MUC3A: variants seen among roughly 807,000 people sequenced by gnomAD.
MUC3A encodes the protein mucin-3A.
In MUC3A, 109 loss-of-function variants were observed where a neutral mutation model predicts 109.0. The observed-to-expected ratio is 1.00, with a 90% CI of 0.86 to 1.17. The LOEUF is 1.17. MUC3A is among the 50% of genes most tolerant of loss of function. The pLI is 0.00. For missense variants in MUC3A, 3,537 were observed against 2,469.4 expected, an observed-to-expected ratio of 1.43 and a Z score of -9.16; for synonymous variants, 1,398 against 981.4, an observed-to-expected ratio of 1.42 and a Z score of -7.93.
Position 100,952,719 on chromosome 7 carries a change from CT to C in MUC3A, c.941del (p.Leu314HisfsTer5), listed in dbSNP as rs765992100. On this transcript the variant is annotated frameshift_variant, in exon 2 of 12. Transcript: ENST00000379458. LOFTEE classifies it high-confidence loss of function. Reference sequence around the variant, plus strand: ...CAGTGGTATCACAAACACCACCCCCCTATCCACCTTGGTGACCACACTCCCC... The same window carrying C: ...CAGTGGTATCACAAACACCACCCCCCATCCACCTTGGTGACCACACTCCCC... The part of the protein sequence containing the change: ...ITSGITNTTP[L>X]STLVTTLPTT... The C allele has an allele frequency of 7.2e-6, 11 of 1,531,616 alleles. No individual in the cohort carries two copies. Among genetic ancestry groups the C allele is most frequent in the African/African-American group, 3.4e-5 (2 of 59,634 alleles). The allele number at this position is 1,531,616 out of a possible 1,614,324, so 94.9% of individuals were successfully genotyped here.
chr7:100,966,756 T>G lies in MUC3A; in HGVS notation c.9877+13T>G, dbSNP rs1194427830. On this transcript the variant is annotated intron_variant, in intron 10 of 11. Coordinates refer to ENST00000379458, the MANE Select transcript of MUC3A (RefSeq NM_005960.2). Reference sequence around the variant, plus strand: ...GACGACGGAACAGGTGAGTCCTGCCTCCTGGGGAAGCAGGCAGAGGCTTTC... The same window carrying G: ...GACGACGGAACAGGTGAGTCCTGCCGCCTGGGGAAGCAGGCAGAGGCTTTC... 1.3e-6 allele frequency: 2 copies of G among 1,598,548 alleles called. No individual in the cohort carries two copies. Among genetic ancestry groups the G allele is most frequent in the Admixed American group, 3.3e-5 (2 of 60,032 alleles).
At chr7:100,962,923 T>C (rs1245783240) in intron 3 of MUC3A, among the ~76,000 whole-genome samples, 2 of 152,308 alleles carry the variant, frequency 1.3e-5, no homozygotes, top group African/African-American at 4.8e-5. Flanking sequence ...TGATGCAATC[T>C]CGGCTCACTA....
At chr7:100,950,290 G>A (rs1035393896) in intron 1 of MUC3A, among the ~76,000 whole-genome samples, 4 of 152,302 alleles carry the variant, frequency 2.6e-5, no homozygotes, top group Non-Finnish European at 4.4e-5. Flanking sequence ...TGTCCACTTC[G>A]CTTCCAAGGG....
At chr7:100,950,349 C>A (rs1240154089) in intron 1 of MUC3A, among the ~76,000 whole-genome samples, 1 of 152,278 alleles carries the variant, frequency 6.6e-6, no homozygotes, top group Non-Finnish European at 1.5e-5. Flanking sequence ...CTCTTCTGCC[C>A]TGCAGGAACA....
Position 100,957,201 on chromosome 7 carries a change from G to A in MUC3A, c.5422G>A (p.Ala1808Thr), listed in dbSNP as rs1236621081. The stretch of plus-strand genomic sequence containing the variant: ...TTCTACGCCTGTCCCAAGTACAGAA[G>A]CGATCACCAGTGGTACCACAAACAC... Reference protein sequence around the residue: ...SSSTPVPSTEAITSGTTNTTP... With the variant: ...SSSTPVPSTETITSGTTNTTP... Residue 1808 changes from alanine to threonine, a missense_variant, in exon 2 of 12, where the codon GCG becomes ACG. Coordinates refer to ENST00000379458, the MANE Select transcript of MUC3A (RefSeq NM_005960.2). 8.5e-6 allele frequency: 4 copies of A among 470,008 alleles called. No homozygotes were observed. The highest frequency in any genetic ancestry group is 1.1e-5 in the Non-Finnish European group (3 of 270,098). 29.1% of individuals were successfully genotyped at this position (470,008 alleles called of 1,614,324 possible).
At chr7:100,964,582 T>A in intron 5 of MUC3A, 113 bp from the exon 6 acceptor site, 1 of 1,451,890 alleles carries the variant, frequency 6.9e-7, no homozygotes, top group Non-Finnish European at 9.1e-7. Context: ...TCCCAACTCA[T>A]GACCTCTGCT....
Position 100,960,820 on chromosome 7 carries a change from C to T in MUC3A, c.8935C>T (p.Arg2979Cys), listed in dbSNP as rs756946295. Reference protein sequence around the residue: ...CACLPGFSGDRCQLQTRCQNG... With the variant: ...CACLPGFSGDCCQLQTRCQNG... ...TTGCCTTCCGGGGTTTTCTGGGGAC[C>T]GCTGTCAGCTCCAGACCAGATGCCA... The change falls in exon 3 of 12, where the codon CGC becomes TGC. Residue 2979 changes from arginine (R) to cysteine (C), a missense_variant. Coordinates refer to ENST00000379458, the MANE Select transcript of MUC3A (RefSeq NM_005960.2). 29 of 1,598,396 alleles carry T rather than the reference C, an allele frequency of 1.8e-5. No homozygotes were observed. The highest frequency in any genetic ancestry group is 4.0e-5 in the African/African-American group (3 of 74,962).
In MUC3A at chr7:100,959,479, G is replaced by C; in HGVS notation, c.7700G>C (p.Ser2567Thr). 1.9e-6 allele frequency: 3 copies of C among 1,580,208 alleles called. No homozygotes were observed. The highest frequency in any genetic ancestry group is 1.2e-5 in the South Asian group (1 of 86,472). The change falls in exon 2 of 12, where the codon AGC becomes ACC. Residue 2567 changes from serine to threonine, a missense_variant. Ser to Thr is a moderately conservative substitution (Grantham distance 58). Coordinates refer to ENST00000379458, the MANE Select transcript of MUC3A (RefSeq NM_005960.2). Reference sequence around the variant, plus strand: ...GAGAACACCCCAATCAGTTCCTTTAGCACAAGTATTGTTGTTATACCTGAA... The same window carrying C: ...GAGAACACCCCAATCAGTTCCTTTACCACAAGTATTGTTGTTATACCTGAA... ...ITENTPISSF[S>T]TSIVVIPETP...
intron 3 of MUC3A, 76 bp from the exon 4 acceptor site, chr7:100,963,075 G>C: frequency 6.7e-7 from 1 of 1,503,202 alleles, no homozygotes; most frequent in East Asian, 2.4e-5. Context: ...GGAGCCTGTG[G>C]GTTGGGGTGG....
rs1294188955 is a variant in MUC3A, at chr7:100,952,221, A to C, written c.442A>C (p.Thr148Pro). The C allele has an allele frequency of 6.3e-7, 1 of 1,598,432 alleles. No individual in the cohort carries two copies. The highest frequency in any genetic ancestry group is 8.5e-7 in the Non-Finnish European group (1 of 1,179,804). ...ISHPTSICVT[T>P]TQVAFTSSYT... Reference sequence around the variant, plus strand: ...CCACCCCACCTCCATCTGTGTGACCACGACGCAGGTGGCCTTCACCAGCTC... The same window carrying C: ...CCACCCCACCTCCATCTGTGTGACCCCGACGCAGGTGGCCTTCACCAGCTC... The change falls in exon 2 of 12, where the codon ACG (threonine) becomes CCG (proline). Residue 148 changes from threonine to proline, a missense_variant. Thr to Pro is a conservative substitution (Grantham distance 38). Coordinates refer to ENST00000379458, the MANE Select transcript of MUC3A (RefSeq NM_005960.2).
Position 100,966,360 on chromosome 7 carries a change from G to A in MUC3A, c.9612-26G>A, listed in dbSNP as rs778692242. On this transcript the variant is annotated intron_variant, in intron 8 of 11. Coordinates refer to ENST00000379458, the MANE Select transcript of MUC3A (RefSeq NM_005960.2). ...TGGACCCCGAGCCCGGAGGTGAAGAGGGTCTGACCCTGCGATCTCCCGCAG... is the reference window on the plus strand; with the variant it reads ...TGGACCCCGAGCCCGGAGGTGAAGAAGGTCTGACCCTGCGATCTCCCGCAG... 4 of 1,315,258 alleles carry A rather than the reference G, an allele frequency of 3.0e-6. No homozygotes were observed. In the Admixed American group the frequency reaches 9.4e-5, roughly 31 times the overall value. The allele number at this position is 1,315,258 out of a possible 1,614,324, so 81.5% of individuals were successfully genotyped here.
At chr7:100,966,165 G>GATCCCCGCCCCCGCCATTTAGGGTGA in intron 8 of MUC3A, 1 of 341,290 alleles carries the variant, frequency 2.9e-6, no homozygotes, top group Non-Finnish European at 4.9e-6. Context: ...TTCTAGGGTG[G>GATCCCCGCCCCCGCCATTTAGGGTGA]AGCCCTGCCC....
At position 100,959,885 on chromosome 7, in the gene MUC3A, G is replaced by A; in HGVS notation, c.8106G>A (p.Val2702=). Residue 2702 remains valine, a synonymous_variant, in exon 2 of 12, where the codon GTG becomes GTA. Transcript: ENST00000379458. ...SSPSSASITP[V]FSTTIHSVPS... ...CATCTTCTGCCAGCATAACTCCAGT[G>A]TTTTCCACTACCATTCATTCTGTTC... 1 of 1,550,632 alleles carries A rather than the reference G, an allele frequency of 6.4e-7. No individual in the cohort carries two copies. Among genetic ancestry groups the A allele is most frequent in the Non-Finnish European group, 8.6e-7 (1 of 1,157,112 alleles).
chr7:100,956,221 A>G lies in MUC3A; in HGVS notation c.4442A>G (p.Tyr1481Cys). 2 of 469,528 alleles carry G rather than the reference A, an allele frequency of 4.3e-6. No individual in the cohort carries two copies. Among genetic ancestry groups the G allele is most frequent in the East Asian group, 3.4e-5 (1 of 29,480 alleles). 29.1% of individuals were successfully genotyped at this position (469,528 alleles called of 1,614,324 possible). Residue 1481 changes from tyrosine to cysteine, a missense_variant, in exon 2 of 12, where the codon TAT becomes TGT. Physicochemically the swap from Tyr to Cys is radical, Grantham distance 194. Transcript: ENST00000379458. ...ACAGAGTCCACAACTGAAATCACCT[A>G]TCCCACCACTATGACAGAGACATCA... ...TVTESTTEIT[Y>C]PTTMTETSST...
chr7:100,963,673 T>A lies in MUC3A; in HGVS notation c.9169-15T>A. On this transcript the variant is annotated splice_polypyrimidine_tract_variant and intron_variant, in intron 4 of 11. Transcript: ENST00000379458. Reference sequence around the variant, plus strand: ...GCAGGTTCGGACGTGAGCCCAGGGATCCTTGGTGTTTCAGATGCAGAAGAT... The same window carrying A: ...GCAGGTTCGGACGTGAGCCCAGGGAACCTTGGTGTTTCAGATGCAGAAGAT... 1 of 1,598,430 alleles carries A rather than the reference T, an allele frequency of 6.3e-7. No individual in the cohort carries two copies. Among genetic ancestry groups the A allele is most frequent in the South Asian group, 1.1e-5 (1 of 91,082 alleles).
chr7:100,961,547 G>GC (rs780760821), intron 3 of MUC3A, among the ~76,000 whole-genome samples: 13 of 152,308 alleles, frequency 8.5e-5, no homozygotes, highest in Non-Finnish European at 1.5e-4. Flanking sequence ...AGCTGATTAC[G>GC]CCGGGCGGGG....
In MUC3A at chr7:100,960,693, T is replaced by G. The variant is rs755864606; in HGVS notation, c.8866+48T>G. 109 of 1,592,566 alleles carry G rather than the reference T, an allele frequency of 6.8e-5. No individual in the cohort carries two copies. In the African/African-American group the frequency reaches 1.3e-3, roughly 19 times the overall value. ...TCCCCTCCTTCCTCCCCTGCAAAAT[T>G]CCTGTGTCACTGAGGTCAGGCTTTA... is the stretch of plus-strand genomic sequence containing the variant. On this transcript the variant is annotated intron_variant, in intron 2 of 11. Coordinates refer to ENST00000379458, the MANE Select transcript of MUC3A (RefSeq NM_005960.2).
rs1563057444 is a variant in MUC3A, at chr7:100,951,877, CT to C, written c.101del (p.Phe34SerfsTer43). On this transcript the variant is annotated frameshift_variant, in exon 2 of 12. Transcript: ENST00000379458. LOFTEE classifies it high-confidence loss of function. ...LSTATSISQV[P>X]FPRAEAASAV... The stretch of plus-strand genomic sequence containing the variant: ...ACGGCCACATCCATCTCTCAAGTGC[CT>C]TTCCCCAGAGCAGAAGCAGCCAGCG... 1.9e-6 allele frequency: 3 copies of C among 1,597,648 alleles called. No individual in the cohort carries two copies. Among genetic ancestry groups the C allele is most frequent in the Non-Finnish European group, 2.5e-6 (3 of 1,179,520 alleles).
intron 1 of MUC3A, 97 bp downstream of exon 1, chr7:100,949,782 G>C: frequency 1.6e-6 from 2 of 1,240,180 alleles, no homozygotes; most frequent in Non-Finnish European, 2.2e-6. Context: ...GGGGAGGGGG[G>C]ATAAGAAGGC....
Sources: gnomAD v4.1 joint callset for allele counts (sites outside exome capture counted in the v4.1 genomes callset) on GRCh38, gnomAD v4.1.1 for gene constraint, MANE v1.5 for transcripts, NCBI Gene and HGNC (gene_info 2026-07-23, HGNC 2026-07-21) for gene names.